DSCAM: variants seen among roughly 807,000 people sequenced by gnomAD.
The protein encoded by DSCAM is cell adhesion molecule DSCAM.
DSCAM carries 47 observed loss-of-function variants against 217.7 expected under a neutral mutation model. The observed-to-expected ratio is 0.22, with a 90% CI of 0.17 to 0.28. The LOEUF (loss-of-function observed/expected upper bound fraction) is 0.28. Ranked by LOEUF, DSCAM falls within the 10% of genes least tolerant of loss-of-function variation. DSCAM has a pLI of 1.00. For missense variants in DSCAM, 2,080 were observed against 2,618.3 expected (o/e 0.79, Z 4.49); for synonymous variants, 1,056 against 1,015.3 (o/e 1.04, Z -0.76).
intron 3 of DSCAM, among the ~76,000 whole-genome samples, chr21:40,665,813 C>T (rs1205035745): frequency 6.6e-6 from 1 of 152,196 alleles, no homozygotes; most frequent in East Asian, 1.9e-4. Context: ...CAGACAGATA[C>T]ACCCCCATCT....
intron 20 of DSCAM, among the ~76,000 whole-genome samples, chr21:40,109,180 G>T (rs945043754): frequency 6.6e-6 from 1 of 152,178 alleles, no homozygotes; most frequent in Non-Finnish European, 1.5e-5. Flanking sequence ...GAGCTTCTGT[G>T]CAGCAAAAGA....
chr21:40,401,629 A>T (rs574991727), intron 3 of DSCAM, among the ~76,000 whole-genome samples: 66 of 152,180 alleles, frequency 4.3e-4, no homozygotes, highest in South Asian at 3.5e-3. Flanking sequence ...TGCAGGGACC[A>T]CTCCTTGAGG....
chr21:40,339,192 G>C lies in DSCAM; in HGVS notation c.1434C>G (p.Asp478Glu), dbSNP rs759939882. Residue 478 changes from aspartate (D) to glutamate (E), a missense_variant, in exon 7 of 33, where the codon GAC (aspartate) becomes GAG (glutamate). Physicochemically the swap from Asp to Glu is conservative, Grantham distance 45. Around this residue, in one of 5 missense-constraint regions of DSCAM, gnomAD observed 568 missense variants for 678.1 expected, o/e 0.84. Coordinates refer to ENST00000400454, the MANE Select transcript of DSCAM (RefSeq NM_001389.5). Reference sequence around the variant, plus strand: ...TGGCAGTGCAGCGGTAGACTCCCCCGTCCCGGACCTGGGAGCTGGAGATGT... The same window carrying C: ...TGGCAGTGCAGCGGTAGACTCCCCCCTCCCGGACCTGGGAGCTGGAGATGT... ...YLNISSSQVR[D>E]GGVYRCTANN... 1 of 1,614,166 alleles carries C rather than the reference G, an allele frequency of 6.2e-7. No homozygotes were observed. Among genetic ancestry groups the C allele is most frequent in the East Asian group, 2.2e-5 (1 of 44,876 alleles).
intron 3 of DSCAM, among the ~76,000 whole-genome samples, chr21:40,537,290 G>A (rs147376140): frequency 3.3e-5 from 5 of 152,258 alleles, no homozygotes; most frequent in Admixed American, 6.5e-5. Flanking sequence ...GAGGTAGGTC[G>A]AGAGAGAGAC....
At chr21:40,512,592 T>C (rs982946608) in intron 3 of DSCAM, among the ~76,000 whole-genome samples, 1 of 152,162 alleles carries the variant, frequency 6.6e-6, no homozygotes, top group African/African-American at 2.4e-5. Context: ...GTCAGAATAT[T>C]CTTAGCAGAT....
chr21:40,825,851 A>G (rs2123617304), intron 1 of DSCAM, among the ~76,000 whole-genome samples: 1 of 152,358 alleles, frequency 6.6e-6, no homozygotes, highest in African/African-American at 2.4e-5. Flanking sequence ...ATTGTCACAC[A>G]GAGATATACT....
chr21:40,014,537 G>A (rs146880377), intron 32 of DSCAM, among the ~76,000 whole-genome samples: 11 of 152,228 alleles, frequency 7.2e-5, no homozygotes, highest in Admixed American at 1.3e-4. Flanking sequence ...GGCCGTCCCC[G>A]CCCGATGCAG....
chr21:40,609,356 G>A (rs559822660), intron 3 of DSCAM, among the ~76,000 whole-genome samples: 7 of 152,322 alleles, frequency 4.6e-5, no homozygotes, highest in Non-Finnish European at 1.0e-4. Context: ...AATGCCAGAA[G>A]AAGCAATTCA....
At chr21:40,197,849 G>C (rs554686246) in intron 11 of DSCAM, among the ~76,000 whole-genome samples, 1 of 152,320 alleles carries the variant, frequency 6.6e-6, no homozygotes, top group South Asian at 2.1e-4. Flanking sequence ...TTAGCCTAAA[G>C]TCATACAACT....
intron 18 of DSCAM, among the ~76,000 whole-genome samples, chr21:40,140,204 CATG>C (rs2090272556): frequency 6.6e-6 from 1 of 152,060 alleles, no homozygotes; most frequent in African/African-American, 2.4e-5. Flanking sequence ...CAGGCAGGTT[CATG>C]TTTCTGAAGG....
At chr21:40,410,048 G>C (rs2075309538) in intron 3 of DSCAM, among the ~76,000 whole-genome samples, 1 of 151,692 alleles carries the variant, frequency 6.6e-6, no homozygotes, top group Non-Finnish European at 1.5e-5. Flanking sequence ...AAAAAATAAA[G>C]AAATGAAACA....
chr21:40,727,163 T>C (rs972473989), intron 1 of DSCAM, among the ~76,000 whole-genome samples: 8 of 152,206 alleles, frequency 5.3e-5, no homozygotes, highest in African/African-American at 1.7e-4. Flanking sequence ...CTCTCAATGA[T>C]GGAAAACACA....
At chr21:40,355,969 G>A (rs2074687978) in intron 4 of DSCAM, among the ~76,000 whole-genome samples, 1 of 152,168 alleles carries the variant, frequency 6.6e-6, no homozygotes, top group Non-Finnish European at 1.5e-5. Context: ...GGGAAGATTT[G>A]CTTCCTTTTT....
chr21:40,246,955 C>A (rs374770761), intron 11 of DSCAM, among the ~76,000 whole-genome samples: 2 of 152,116 alleles, frequency 1.3e-5, no homozygotes, highest in Non-Finnish European at 2.9e-5. Context: ...CTCCATATGG[C>A]TGGGGAGGTC....
At chr21:40,386,450 G>A (rs2075086144) in intron 3 of DSCAM, among the ~76,000 whole-genome samples, 1 of 152,160 alleles carries the variant, frequency 6.6e-6, no homozygotes, top group African/African-American at 2.4e-5. Context: ...ATCGGCCTTG[G>A]AGCCGCCGCC....
At chr21:40,157,207 G>A (rs560668435) in intron 16 of DSCAM, among the ~76,000 whole-genome samples, 96 of 152,312 alleles carry the variant, frequency 6.3e-4, no homozygotes, top group Non-Finnish European at 1.2e-3. Flanking sequence ...ACTCATCCAC[G>A]CATGGACTGC....
intron 1 of DSCAM, among the ~76,000 whole-genome samples, chr21:40,717,232 A>G (rs1378139165): frequency 6.6e-6 from 1 of 152,248 alleles, no homozygotes; most frequent in East Asian, 1.9e-4. Flanking sequence ...CTAATAACCA[A>G]GGCGTGGAAG....
At chr21:40,111,588 A>T (rs2089899604) in intron 20 of DSCAM, among the ~76,000 whole-genome samples, 1 of 152,146 alleles carries the variant, frequency 6.6e-6, no homozygotes, top group Non-Finnish European at 1.5e-5. Context: ...ATGTAAATGG[A>T]CTAAATGCTC....
chr21:40,601,824 C>G (rs1307534228), intron 3 of DSCAM, among the ~76,000 whole-genome samples: 1 of 152,092 alleles, frequency 6.6e-6, no homozygotes, highest in East Asian at 1.9e-4. Context: ...TCCTCATTTT[C>G]TAATGTTAAA....
Sources: allele counts gnomAD v4.1 joint callset (sites outside exome capture counted in the v4.1 genomes callset), GRCh38; gene constraint gnomAD v4.1.1; regional missense constraint gnomAD v4.1.1; transcripts MANE v1.5; gene names NCBI Gene and HGNC (gene_info 2026-07-23, HGNC 2026-07-21).